Variants in HAGH observed in about 807,000 individuals in gnomAD.
HAGH encodes hydroxyacylglutathione hydrolase, mitochondrial.
A neutral mutation model predicts 35.1 loss-of-function variants in HAGH; 29 were observed. The observed-to-expected ratio is 0.83, with a 90% CI of 0.62 to 1.13. HAGH has a LOEUF of 1.13. Among genes scored for constraint, HAGH ranks in the 50% most tolerant of loss-of-function variants. HAGH has a pLI of 0.00. For synonymous variants in HAGH, 225 were observed against 176.1 expected (o/e 1.28, Z -2.20); for missense variants, 478 against 419.6 (o/e 1.14, Z -1.22).
chr16:1,809,649 A>G (rs1376503651), intron 8 of HAGH, 105 bp downstream of exon 8: 12 of 869,716 alleles, frequency 1.4e-5, no homozygotes, highest in Non-Finnish European at 2.3e-5. Flanking sequence ...ACAGCTCCCC[A>G]AGGCAGCCTC....
intron 3 of HAGH, 42 bp from the exon 4 acceptor site, chr16:1,820,056 G>GGGGGCTGCCTGCTGAGCTGA (rs1898082941): frequency 4.0e-6 from 1 of 247,676 alleles, no homozygotes; most frequent in South Asian, 3.3e-5. Flanking sequence ...GCTGAGCTGA[G>GGGGGCTGCCTGCTGAGCTGA]GGGGCTGCCT....
chr16:1,817,138 C>A (rs1897937503), intron 6 of HAGH, 30 bp downstream of exon 6: 1 of 1,502,218 alleles, frequency 6.7e-7, no homozygotes. Context: ...AGGCCCCCCA[C>A]ACCCCGGCCC....
At chr16:1,824,069 GTTAC>G in intron 1 of HAGH, among the ~76,000 whole-genome samples, 2 of 152,220 alleles carry the variant, frequency 1.3e-5, no homozygotes, top group South Asian at 4.1e-4. Context: ...GTTCCATGCA[GTTAC>G]AGCCCTTCTC....
chr16:1,825,564 G>A (rs1251901460), intron 1 of HAGH, among the ~76,000 whole-genome samples: 1 of 151,986 alleles, frequency 6.6e-6, no homozygotes, highest in East Asian at 1.9e-4. Context: ...AAACATGTTC[G>A]GTTTGGCCCC....
chr16:1,809,386 C>A lies in HAGH; in HGVS notation c.828-4G>T, dbSNP rs369949876. The A allele has an allele frequency of 1.2e-6, 2 of 1,606,686 alleles. No homozygotes were observed. The highest frequency in any genetic ancestry group is 1.3e-5 in the African/African-American group (1 of 74,896). On this transcript the variant is annotated splice_polypyrimidine_tract_variant and splice_region_variant and intron_variant, in intron 8 of 8. Transcript: ENST00000397356. Reference sequence around the variant, plus strand: ...GTGCTGCTGCACCGTCTTCTCCCTGCGGAGGCCAGCACCGGGCTGCAGGCT... The same window carrying A: ...GTGCTGCTGCACCGTCTTCTCCCTGAGGAGGCCAGCACCGGGCTGCAGGCT...
At chr16:1,818,997 G>A in intron 5 of HAGH, 118 bp downstream of exon 5, 1 of 668,472 alleles carries the variant, frequency 1.5e-6, no homozygotes, top group South Asian at 1.7e-5. Context: ...ACCCACCCCT[G>A]GGCCCCCTCA....
intron 1 of HAGH, 138 bp from the exon 2 acceptor site, chr16:1,823,175 G>A (rs57505570): frequency 2.8e-6 from 2 of 714,310 alleles, no homozygotes; most frequent in Non-Finnish European, 4.8e-6. Flanking sequence ...TTCTTGCCGG[G>A]AATCCCAGCG....
chr16:1,817,838 G>C (rs377110460), intron 5 of HAGH, among the ~76,000 whole-genome samples: 1 of 152,158 alleles, frequency 6.6e-6, no homozygotes, highest in Non-Finnish European at 1.5e-5. Context: ...TTGCTGCTTC[G>C]CGGCTGTCCT....
At chr16:1,823,284 T>C (rs1383547529) in intron 1 of HAGH, among the ~76,000 whole-genome samples, 1 of 151,360 alleles carries the variant, frequency 6.6e-6, no homozygotes, top group African/African-American at 2.4e-5. Flanking sequence ...TCTTTTTTTT[T>C]TGAGACGGAG....
Position 1,817,196 on chromosome 16 carries a change from T to G in HAGH, c.617A>C (p.Glu206Ala), listed in dbSNP as rs761148052. 2 of 1,612,078 alleles carry G rather than the reference T, an allele frequency of 1.2e-6. No homozygotes were observed. The highest frequency in any genetic ancestry group is 1.7e-6 in the Non-Finnish European group (2 of 1,178,426). The change falls in exon 6 of 9, where the codon GAG becomes GCG. Residue 206 changes from glutamate to alanine, a missense_variant. Transcript: ENST00000397356. ...GTCCGGGGGGAGCCGGCCCAAGACC[T>G]CCAGCAGAGCTTTACACATCTCATC... ...TADEMCKALL[E>A]VLGRLPPDTR...
chr16:1,818,965 C>A (rs1331037452), intron 5 of HAGH, 150 bp downstream of exon 5: 1 of 609,510 alleles, frequency 1.6e-6, no homozygotes, highest in Non-Finnish European at 3.0e-6. Context: ...AATCGGCCAG[C>A]CCCACCATGA....
At chr16:1,823,203 G>A (rs2142050483) in intron 1 of HAGH, among the ~76,000 whole-genome samples, 166 bp from the exon 2 acceptor site, 1 of 152,312 alleles carries the variant, frequency 6.6e-6, no homozygotes, top group East Asian at 1.9e-4. Context: ...AGACTGAGAT[G>A]GGAGGACTGC....
intron 1 of HAGH, among the ~76,000 whole-genome samples, chr16:1,826,173 C>G (rs1898403771): frequency 1.3e-5 from 2 of 152,216 alleles, no homozygotes; most frequent in African/African-American, 4.8e-5. Context: ...CGCCCAGTGC[C>G]CTGCGCTGCG....
At position 1,808,150 on chromosome 16, in the gene HAGH, C is replaced by T; in HGVS notation, c.*1133G>A. The T allele has an allele frequency of 6.6e-6, 1 of 152,222 alleles. No individual in the cohort carries two copies. The allele number at this position is 152,222 out of a possible 1,614,324, so 9.4% of individuals were successfully genotyped here. On this transcript the variant is annotated 3_prime_UTR_variant, in exon 9 of 9. Coordinates refer to ENST00000397356, the MANE Select transcript of HAGH (RefSeq NM_005326.6). ...TTTGAGACAGGGTCTCCCTGTTCCC[C>T]AAGCCAGAATGCAGTGGCACAAGCA...
upstream of HAGH, chr16:1,827,039 C>T (rs1218308946): frequency 3.8e-5 from 30 of 785,610 alleles, no homozygotes; most frequent in Non-Finnish European, 5.2e-5. Flanking sequence ...GTGCCGCGAG[C>T]CTCCGCCTCT....
chr16:1,824,461 C>T (rs1241395923), intron 1 of HAGH, among the ~76,000 whole-genome samples: 1 of 152,124 alleles, frequency 6.6e-6, no homozygotes, highest in East Asian at 1.9e-4. Context: ...CCCAGTCGAC[C>T]AATGCAAAAA....
At chr16:1,823,117 G>C in intron 1 of HAGH, 80 bp from the exon 2 acceptor site, 1 of 1,218,436 alleles carries the variant, frequency 8.2e-7, no homozygotes, top group Non-Finnish European at 1.2e-6. Context: ...GTGCTTCCCA[G>C]CCTTTCTAGG....
In HAGH at chr16:1,823,770, A is replaced by G. The variant is rs990808721; in HGVS notation, c.77-733T>C. The stretch of plus-strand genomic sequence containing the variant: ...AAAAAAAAAAAAAAAAAAAAAAAAA[A>G]AAAGGAATATCTTCATATATCCCTG... On this transcript the variant is annotated intron_variant, in intron 1 of 8. Coordinates refer to ENST00000397356, the MANE Select transcript of HAGH (RefSeq NM_005326.6). Among the ~76,000 whole-genome samples, 3 of 147,896 alleles carry G rather than the reference A, an allele frequency of 2.0e-5. No homozygotes were observed. The South Asian group carries it at 6.5e-4, about 32-fold the overall frequency.
In HAGH at chr16:1,809,382, C is replaced by T. The variant is rs771848383; in HGVS notation, c.828G>A (p.Arg276=). Residue 276 remains arginine, a splice_region_variant and synonymous_variant, in exon 9 of 9, where the codon AGG becomes AGA. Coordinates refer to ENST00000397356, the MANE Select transcript of HAGH (RefSeq NM_005326.6). ...CTGCGTGCTGCTGCACCGTCTTCTC[C>T]CTGCGGAGGCCAGCACCGGGCTGCA... The part of the protein sequence containing the change: ...EFTYNPFMRV[R]EKTVQQHAGE... 3.0e-5 allele frequency: 49 copies of T among 1,608,102 alleles called. No homozygotes were observed. The highest frequency in any genetic ancestry group is 3.8e-5 in the Non-Finnish European group (45 of 1,178,966).
Sources: allele counts gnomAD v4.1 joint callset (sites outside exome capture counted in the v4.1 genomes callset), GRCh38; gene constraint gnomAD v4.1.1; transcripts MANE v1.5; gene names NCBI Gene and HGNC (gene_info 2026-07-23, HGNC 2026-07-21).